The following ZNF804B variants were observed in gnomAD, a reference collection of about 807,000 sequenced individuals.
The protein encoded by ZNF804B is zinc finger protein 804B, also known as zinc finger 804B.
Under a neutral mutation model 101.4 loss-of-function variants are expected in ZNF804B, and 80 were observed. That is an observed-to-expected ratio of 0.79 (90% CI 0.66 to 0.95). The LOEUF (loss-of-function observed/expected upper bound fraction) is 0.95, where lower values mean the gene tolerates loss of function less well. ZNF804B is among the 40% of genes least tolerant of loss of function. ZNF804B has a pLI of 0.00. For synonymous variants in ZNF804B, 622 were observed against 558.8 expected (o/e 1.11, Z -1.59); for missense variants, 1,673 against 1,561.9 (o/e 1.07, Z -1.20).
intron 3 of ZNF804B, among the ~76,000 whole-genome samples, chr7:89,328,944 C>CATGGTG (rs1201356601): frequency 6.6e-6 from 1 of 151,406 alleles, no homozygotes; most frequent in African/African-American, 2.4e-5. Context: ...TGGCAGTGGT[C>CATGGTG]ATGGTGATGG....
chr7:88,829,864 GTT>G (rs899424210), intron 1 of ZNF804B, among the ~76,000 whole-genome samples: 36 of 152,196 alleles, frequency 2.4e-4, no homozygotes, highest in African/African-American at 8.4e-4. Context: ...TGATTGTACT[GTT>G]TGTAATAGTA....
intron 1 of ZNF804B, among the ~76,000 whole-genome samples, chr7:88,774,473 GCA>G (rs891940753): frequency 8.5e-5 from 13 of 152,070 alleles, no homozygotes; most frequent in African/African-American, 3.1e-4. Flanking sequence ...TGTAAGAGAA[GCA>G]CAGTTGGCCC....
chr7:88,857,961 T>C (rs1791596645), intron 1 of ZNF804B, among the ~76,000 whole-genome samples: 2 of 150,928 alleles, frequency 1.3e-5, no homozygotes, highest in Admixed American at 1.3e-4. Flanking sequence ...TAGTTGGGAT[T>C]ACAGGCTTGT....
At chr7:88,800,415 C>T (rs1339522280) in intron 1 of ZNF804B, among the ~76,000 whole-genome samples, 4 of 152,098 alleles carry the variant, frequency 2.6e-5, no homozygotes, top group Non-Finnish European at 5.9e-5. Flanking sequence ...TTGATTACAA[C>T]ATTTCACATA....
In ZNF804B at chr7:88,900,287, A is replaced by G. The variant is rs139555886; in HGVS notation, c.108+140203A>G. Among the ~76,000 whole-genome samples, 1,166 of 152,016 alleles carry G rather than the reference A, an allele frequency of 7.7e-3. 8 individuals carry two copies. Among genetic ancestry groups the G allele is most frequent in the Admixed American group, 0.016 (241 of 15,248 alleles). On this transcript the variant is annotated intron_variant, in intron 1 of 3. Coordinates refer to ENST00000333190, the MANE Select transcript of ZNF804B (RefSeq NM_181646.5). ...ATTCTAGGATTTTTAAAAATTGGCA[A>G]TCGTTACACATGATGAACTATTCAG... is the stretch of plus-strand genomic sequence containing the variant.
At chr7:89,181,429 T>G (rs989407956) in intron 1 of ZNF804B, among the ~76,000 whole-genome samples, 3 of 152,168 alleles carry the variant, frequency 2.0e-5, no homozygotes, top group Admixed American at 6.5e-5. Flanking sequence ...CCACCATGAG[T>G]GCAGGCCAAA....
intron 1 of ZNF804B, among the ~76,000 whole-genome samples, chr7:89,044,562 A>G (rs1489394953): frequency 6.6e-6 from 1 of 152,134 alleles, no homozygotes; most frequent in Non-Finnish European, 1.5e-5. Context: ...TTGCCAAATC[A>G]CTTTGACCAA....
chr7:89,250,961 A>G (rs934963636), intron 2 of ZNF804B, among the ~76,000 whole-genome samples: 1 of 152,240 alleles, frequency 6.6e-6, no homozygotes, highest in Non-Finnish European at 1.5e-5. Context: ...AGAGCCATCT[A>G]TGACAAACCC....
At chr7:88,794,249 T>C in intron 1 of ZNF804B, 1 of 1,613,654 alleles carries the variant, frequency 6.2e-7, no homozygotes, top group East Asian at 2.2e-5. Context: ...CTATTATACA[T>C]GTTTATAAAT....
intron 2 of ZNF804B, among the ~76,000 whole-genome samples, chr7:89,321,308 G>A (rs573623293): frequency 1.2e-4 from 18 of 151,976 alleles, no homozygotes; most frequent in East Asian, 5.8e-4. Context: ...ATGAAACCCC[G>A]TCTCTACTAA....
At chr7:89,310,426 T>C (rs38941) in intron 2 of ZNF804B, among the ~76,000 whole-genome samples, 52,009 of 152,058 alleles carry the variant, frequency 0.34, 9,393 homozygotes, top group Non-Finnish European at 0.4. Context: ...GAACATGATC[T>C]AAAATTCAAT....
At chr7:89,099,902 A>G (rs1388052601) in intron 1 of ZNF804B, among the ~76,000 whole-genome samples, 1 of 152,142 alleles carries the variant, frequency 6.6e-6, no homozygotes, top group Admixed American at 6.6e-5. Flanking sequence ...TGATACCCAG[A>G]CTGGTACCAT....
chr7:89,273,122 A>G (rs1375317473), intron 2 of ZNF804B, among the ~76,000 whole-genome samples: 1 of 152,152 alleles, frequency 6.6e-6, no homozygotes, highest in African/African-American at 2.4e-5. Flanking sequence ...CCTAAGCACT[A>G]TGTCATCATA....
chr7:88,795,073 C>T lies in ZNF804B; in HGVS notation c.108+34989C>T, dbSNP rs536459549. ...TGACAAAAAAAAAAAGAGTAAATCA[C>T]GGTTTGTCAAATGTTACTAAATAGT... On this transcript the variant is annotated intron_variant, in intron 1 of 3. Coordinates refer to ENST00000333190, the MANE Select transcript of ZNF804B (RefSeq NM_181646.5). The T allele has an allele frequency of 7.2e-4, 563 of 777,700 alleles. 2 individuals carry two copies. Among genetic ancestry groups the T allele is most frequent in the South Asian group, 5.6e-3 (192 of 34,138 alleles). The allele number at this position is 777,700 out of a possible 1,614,324, so 48.2% of individuals were successfully genotyped here.
At chr7:89,319,143 C>A (rs1022311744) in intron 2 of ZNF804B, among the ~76,000 whole-genome samples, 2 of 152,096 alleles carry the variant, frequency 1.3e-5, no homozygotes, top group African/African-American at 4.8e-5. Context: ...AACCTTCCAG[C>A]TTGGGCATTA....
intron 1 of ZNF804B, among the ~76,000 whole-genome samples, chr7:89,131,408 T>C (rs1790544877): frequency 6.6e-6 from 1 of 151,996 alleles, no homozygotes; most frequent in Non-Finnish European, 1.5e-5. Flanking sequence ...CCAGCCTTCA[T>C]AGGCAACTCA....
chr7:88,812,991 A>G (rs1216233269), intron 1 of ZNF804B, among the ~76,000 whole-genome samples: 1 of 152,106 alleles, frequency 6.6e-6, no homozygotes, highest in Admixed American at 6.5e-5. Flanking sequence ...ACCTCACACT[A>G]TTGAACTGTA....
intron 1 of ZNF804B, among the ~76,000 whole-genome samples, chr7:89,083,456 A>T (rs1260343097): frequency 6.6e-6 from 1 of 151,772 alleles, no homozygotes; most frequent in African/African-American, 2.4e-5. Context: ...GCTCAGCAGG[A>T]TCATAAATAA....
chr7:88,917,002 C>T (rs1339423286), intron 1 of ZNF804B, among the ~76,000 whole-genome samples: 10 of 152,042 alleles, frequency 6.6e-5, no homozygotes, highest in African/African-American at 7.2e-5. Flanking sequence ...CGGTGGCTCA[C>T]GCCTGTAATC....
Sources: gnomAD v4.1 joint callset for allele counts (sites outside exome capture counted in the v4.1 genomes callset) on GRCh38, gnomAD v4.1.1 for gene constraint, MANE v1.5 for transcripts, NCBI Gene and HGNC (gene_info 2026-07-23, HGNC 2026-07-21) for gene names.